Variants in LRP1 observed in about 807,000 individuals in gnomAD.
The protein encoded by LRP1 is prolow-density lipoprotein receptor-related protein 1.
LRP1 carries 51 observed loss-of-function variants against 541.5 expected under a neutral mutation model. The ratio of observed to expected loss-of-function variants is 0.09; its 90% CI spans 0.08 to 0.12. LRP1 has a LOEUF of 0.12. Ranked by LOEUF, LRP1 falls within the 10% of genes least tolerant of loss-of-function variation. The pLI, the probability that LRP1 is intolerant of heterozygous loss-of-function variation, is 1.00. For synonymous variants in LRP1, 2,219 were observed against 2,470.8 expected (o/e 0.90, Z 3.02); for missense variants, 3,878 against 6,376.2 (o/e 0.61, Z 13.34).
chr12:57,166,181 T>A lies in LRP1; in HGVS notation c.2769T>A (p.Ser923Arg). ...LCDGDNDCGN[S>R]EDESNATCSA... ...ACGGGGACAATGACTGTGGGAACAGTGAAGATGAGTCCAATGCCACTTGTT... is the reference window on the plus strand; with the variant it reads ...ACGGGGACAATGACTGTGGGAACAGAGAAGATGAGTCCAATGCCACTTGTT... The change falls in exon 17 of 89, where the codon AGT becomes AGA. Residue 923 changes from serine (S) to arginine (R), a missense_variant. Ser to Arg is a moderately radical substitution (Grantham distance 110, BLOSUM62 -1). Transcript: ENST00000243077. 1 of 1,613,040 alleles carries A rather than the reference T, an allele frequency of 6.2e-7. No individual in the cohort carries two copies. The highest frequency in any genetic ancestry group is 8.5e-7 in the Non-Finnish European group (1 of 1,179,580).
At chr12:57,171,596 C>T (rs1021992253) in intron 20 of LRP1, among the ~76,000 whole-genome samples, 2 of 152,042 alleles carry the variant, frequency 1.3e-5, no homozygotes, top group African/African-American at 2.4e-5. Context: ...ATTTCCAAGC[C>T]GGAAGGTGCT....
chr12:57,209,982 G>A, intron 80 of LRP1, 47 bp from the exon 81 acceptor site: 1 of 1,585,716 alleles, frequency 6.3e-7, no homozygotes, highest in Non-Finnish European at 8.6e-7. Context: ...ACAGGGCTCA[G>A]AGAAGGGTCC....
At chr12:57,133,621 C>T (rs1389508818) in intron 1 of LRP1, among the ~76,000 whole-genome samples, 22 of 139,122 alleles carry the variant, frequency 1.6e-4, no homozygotes, top group East Asian at 4.3e-4. Flanking sequence ...GTCCCCGCGC[C>T]GCCCCCCCAC....
rs2136680226 is a variant in LRP1, at chr12:57,159,889, T to C, written c.1863T>C (p.Asp621=). ...GAGACAATCTGTACTGGACGGACGA[T>C]GGGCCCAAAAAGACAATCAGCGTGG... is the stretch of plus-strand genomic sequence containing the variant. ...WMGDNLYWTD[D]GPKKTISVAR... The change falls in exon 12 of 89, where the codon GAT becomes GAC. Residue 621 remains aspartate, a synonymous_variant. Coordinates refer to ENST00000243077, the MANE Select transcript of LRP1 (RefSeq NM_002332.3). The C allele has an allele frequency of 6.2e-7, 1 of 1,614,134 alleles. No homozygotes were observed. The highest frequency in any genetic ancestry group is 1.1e-5 in the South Asian group (1 of 91,076).
intron 22 of LRP1, among the ~76,000 whole-genome samples, 198 bp from the exon 23 acceptor site, chr12:57,175,262 C>G (rs754048027): frequency 1.8e-4 from 27 of 152,184 alleles, no homozygotes; most frequent in Non-Finnish European, 3.4e-4. Flanking sequence ...AGGGTCCCAA[C>G]TCTGGTCCTG....
rs572351279 is a variant in LRP1 at position 57,209,796 on chromosome 12, T to G, written c.12367T>G (p.Leu4123Val). The change falls in exon 80 of 89, where the codon TTG becomes GTG. Residue 4123 changes from leucine (L) to valine (V), a missense_variant. This residue lies in a region of LRP1 where 871 missense variants were observed against 1,212.4 expected (regional missense o/e 0.72). Coordinates refer to ENST00000243077, the MANE Select transcript of LRP1 (RefSeq NM_002332.3). ...FKIHKFGHSP[L>V]VNLTGGLSHA... Reference sequence around the variant, plus strand: ...GATCCATAAGTTTGGCCACAGCCCCTTGGTCAACCTGACAGGGGGCCTGAG... The same window carrying G: ...GATCCATAAGTTTGGCCACAGCCCCGTGGTCAACCTGACAGGGGGCCTGAG... 122 of 1,614,208 alleles carry G rather than the reference T, an allele frequency of 7.6e-5. 2 individuals carry two copies. The South Asian group carries it at 1.3e-3, about 17-fold the overall frequency.
chr12:57,180,636 C>T, intron 32 of LRP1, 31 bp from the exon 33 acceptor site: 3 of 1,613,402 alleles, frequency 1.9e-6, no homozygotes, highest in Non-Finnish European at 2.5e-6. Flanking sequence ...TGGGGCCTTC[C>T]CAAGGGTCTC....
chr12:57,200,826 G>GGGGGGGGCCCCCCC lies in LRP1; in HGVS notation c.10225+11_10225+12insGGGGGGGCCCCCCC. On this transcript the variant is annotated intron_variant, in intron 64 of 88. Transcript: ENST00000243077. ...ACGAGGCCAACTGTGGTAAGGCGCT[G>GGGGGGGGCCCCCCC]CCCGCCCACCCTCCCTCCTTCCCCA... The GGGGGGGGCCCCCCC allele has an allele frequency of 6.3e-7, 1 of 1,581,424 alleles. No individual in the cohort carries two copies. Among genetic ancestry groups the GGGGGGGGCCCCCCC allele is most frequent in the Non-Finnish European group, 8.6e-7 (1 of 1,157,674 alleles).
chr12:57,183,712 T>A lies in LRP1; in HGVS notation c.5795-63T>A. The A allele has an allele frequency of 6.2e-7, 1 of 1,600,894 alleles. No individual in the cohort carries two copies. Among genetic ancestry groups the A allele is most frequent in the Non-Finnish European group, 8.5e-7 (1 of 1,173,644 alleles). On this transcript the variant is annotated intron_variant, in intron 35 of 88. Coordinates refer to ENST00000243077, the MANE Select transcript of LRP1 (RefSeq NM_002332.3). This position sits in a 1 kb window ranked among gnomAD's most constrained non-coding sequence, Gnocchi z 6.1. ...CACCTCTGTCTTGAGCCTTGTGAGA[T>A]TTTGACCCCTCACCTTACCCCTGCC...
At position 57,166,926 on chromosome 12, in the gene LRP1, C is replaced by T. The variant is rs200106514; in HGVS notation, c.2798-4C>T. ...GAGTACTCACACCCATCCCTGCCCCCCAGCCCGCACCTGCCCCCCCAACCA... is the reference window on the plus strand; with the variant it reads ...GAGTACTCACACCCATCCCTGCCCCTCAGCCCGCACCTGCCCCCCCAACCA... On this transcript the variant is annotated splice_polypyrimidine_tract_variant and splice_region_variant and intron_variant, in intron 17 of 88. Transcript: ENST00000243077. 1.3e-6 allele frequency: 2 copies of T among 1,568,738 alleles called. No homozygotes were observed. Among genetic ancestry groups the T allele is most frequent in the Non-Finnish European group, 1.8e-6 (2 of 1,139,072 alleles).
intron 13 of LRP1, among the ~76,000 whole-genome samples, chr12:57,161,591 CCT>C (rs926950636): frequency 1.3e-5 from 2 of 152,058 alleles, no homozygotes; most frequent in African/African-American, 4.8e-5. Flanking sequence ...CCCCTGACCC[CCT>C]CTCTGGTCTC....
chr12:57,171,383 G>A (rs71461314), intron 20 of LRP1, among the ~76,000 whole-genome samples: 3 of 152,162 alleles, frequency 2.0e-5, no homozygotes, highest in Admixed American at 6.5e-5. Context: ...GGCATGGTCC[G>A]GAGAATGCTG....
At chr12:57,169,729 G>A (rs941767152) in intron 20 of LRP1, among the ~76,000 whole-genome samples, 1 of 152,232 alleles carries the variant, frequency 6.6e-6, no homozygotes, top group Admixed American at 6.5e-5. Context: ...TTGGTAAATA[G>A]TAGCTTGAGA....
chr12:57,191,292 T>C (rs1020288459), intron 43 of LRP1, 28 bp from the exon 44 acceptor site: 13 of 1,574,904 alleles, frequency 8.3e-6, no homozygotes, highest in Non-Finnish European at 1.1e-5. Context: ...TGAGCGATGC[T>C]GTGACGGTGA....
rs2036959096 is a variant in LRP1, at chr12:57,213,340, T to A, written c.*785T>A. The A allele has an allele frequency of 1.0e-5, 1 of 95,616 alleles. No individual in the cohort carries two copies. The highest frequency in any genetic ancestry group is 4.2e-5 in the African/African-American group (1 of 23,962). The allele number at this position is 95,616 out of a possible 1,614,324, so 5.9% of individuals were successfully genotyped here. A position where few individuals can be genotyped will look rare whatever the true frequency, so the allele number is the denominator to read the frequency against. On this transcript the variant is annotated 3_prime_UTR_variant, in exon 89 of 89. Coordinates refer to ENST00000243077, the MANE Select transcript of LRP1 (RefSeq NM_002332.3). ...ACAGATATTGTTATAAATAAAATTG[T>A]AAAAAAAAAAAAAAAAAAAAAGGCC...
chr12:57,193,119 G>A (rs898676319), intron 45 of LRP1, 57 bp from the exon 46 acceptor site: 22 of 1,602,228 alleles, frequency 1.4e-5, no homozygotes, highest in South Asian at 1.1e-4. Flanking sequence ...GGGAGGAGGC[G>A]TGGGCACTGG....
At chr12:57,169,058 G>A in intron 19 of LRP1, 82 bp from the exon 20 acceptor site, 1 of 1,329,470 alleles carries the variant, frequency 7.5e-7, no homozygotes, top group Non-Finnish European at 1.1e-6. Flanking sequence ...TGGGTTCTGG[G>A]CAGGGGGCCC....
Position 57,210,533 on chromosome 12 carries a change from G to A in LRP1, c.12754+53G>A, listed in dbSNP as rs868141620. On this transcript the variant is annotated intron_variant, in intron 82 of 88. Coordinates refer to ENST00000243077, the MANE Select transcript of LRP1 (RefSeq NM_002332.3). ...CTCCTTGCCCCTGGGCCCCAGCCCC[G>A]CCACCCACCACCCCACCTCAGGCAA... is the stretch of plus-strand genomic sequence containing the variant. The A allele has an allele frequency of 1.0e-4, 92 of 896,648 alleles. 1 individual carries two copies. The highest frequency in any genetic ancestry group is 6.2e-4 in the African/African-American group (22 of 35,368). The allele number at this position is 896,648 out of a possible 1,614,324, so 55.5% of individuals were successfully genotyped here. A position where few individuals can be genotyped will look rare whatever the true frequency, so the allele number is the denominator to read the frequency against.
At chr12:57,147,626 G>A (rs1219461880) in intron 6 of LRP1, 1 of 152,194 alleles carries the variant, frequency 6.6e-6, no homozygotes, top group Non-Finnish European at 1.5e-5. Context: ...GCACACAGAG[G>A]GAGGAGTCTG....
Sources: gnomAD v4.1 joint callset for allele counts (sites outside exome capture counted in the v4.1 genomes callset) on GRCh38, gnomAD v4.1.1 for gene constraint, gnomAD v4.1.1 regional missense constraint, Gnocchi (gnomAD v3.1) non-coding constraint, MANE v1.5 for transcripts, NCBI Gene and HGNC (gene_info 2026-07-23, HGNC 2026-07-21) for gene names.